The following NDST3 variants were observed in gnomAD, a reference collection of about 807,000 sequenced individuals.
NDST3 encodes N-deacetylase and N-sulfotransferase 3.
NDST3 carries 58 observed loss-of-function variants against 96.1 expected under a neutral mutation model. The observed-to-expected ratio is 0.60, with a 90% CI of 0.49 to 0.75. The LOEUF (loss-of-function observed/expected upper bound fraction) is 0.75, where lower values mean the gene tolerates loss of function less well. Among genes scored for constraint, NDST3 ranks in the 30% least tolerant of loss-of-function variants. The pLI is 0.00. For synonymous variants in NDST3, 333 were observed against 359.7 expected (o/e 0.93, Z 0.84); for missense variants, 788 against 1,034.2 (o/e 0.76, Z 3.27).
At chr4:118,077,236 A>C (rs1645300300) in intron 2 of NDST3, among the ~76,000 whole-genome samples, 1 of 152,206 alleles carries the variant, frequency 6.6e-6, no homozygotes, top group Admixed American at 6.5e-5. Context: ...CACTGGGGCA[A>C]TGGCAACAGG....
chr4:118,256,552 AT>A lies in NDST3; in HGVS notation c.*841del. 1 of 152,282 alleles carries A rather than the reference AT, an allele frequency of 6.6e-6. No individual in the cohort carries two copies. Among genetic ancestry groups the A allele is most frequent in the Non-Finnish European group, 1.5e-5 (1 of 68,008 alleles). 9.4% of individuals were successfully genotyped at this position (152,282 alleles called of 1,614,324 possible). On this transcript the variant is annotated 3_prime_UTR_variant, in exon 14 of 14. Coordinates refer to ENST00000296499, the MANE Select transcript of NDST3 (RefSeq NM_004784.3). The stretch of plus-strand genomic sequence containing the variant: ...CTAAAAACATATCATCGAGAATTCT[AT>A]GTCCACTTGCTGTAAGCTGTGAATC...
chr4:118,241,799 A>G lies in NDST3; in HGVS notation c.2290-241A>G, dbSNP rs551703428. On this transcript the variant is annotated intron_variant, in intron 11 of 13. Transcript: ENST00000296499. ...TTTTCTAAGCTCTCTTGGTCTTTCA[A>G]CTGCCTTTTTTGTTTTCATAGTGTG... is the stretch of plus-strand genomic sequence containing the variant. Among the ~76,000 whole-genome samples, 10 of 152,146 alleles carry G rather than the reference A, an allele frequency of 6.6e-5. No individual in the cohort carries two copies. The South Asian group carries it at 8.3e-4, about 13-fold the overall frequency.
rs778916788 is a variant in NDST3, at chr4:118,206,599, T to C, written c.1540-17892T>C. Among the ~76,000 whole-genome samples, 9 of 144,686 alleles carry C rather than the reference T, an allele frequency of 6.2e-5. 1 individual carries two copies. Among genetic ancestry groups the C allele is most frequent in the Non-Finnish European group, 1.2e-4 (8 of 65,270 alleles). 94.9% of individuals were successfully genotyped at this position (144,686 alleles called of 152,430 possible). On this transcript the variant is annotated intron_variant, in intron 6 of 13. Transcript: ENST00000296499. ...TTAAGAAGTTTAATTTGATGGAAAA[T>C]AGGAGTTACTGATATTTCCTAAGCA...
intron 6 of NDST3, 144 bp from the exon 7 acceptor site, chr4:118,224,347 G>C (rs1739735321): frequency 3.5e-6 from 2 of 577,620 alleles, no homozygotes; most frequent in South Asian, 7.2e-5. Flanking sequence ...GGGTTTGAGG[G>C]ACATGTCCCA....
rs1455494188 is a variant in NDST3 at position 118,149,948 on chromosome 4, G to A, written c.1539+6264G>A. Among the ~76,000 whole-genome samples, 599 of 148,286 alleles carry A rather than the reference G, an allele frequency of 4.0e-3. 5 individuals carry two copies. The highest frequency in any genetic ancestry group is 7.0e-3 in the Non-Finnish European group (469 of 66,542). On this transcript the variant is annotated intron_variant, in intron 6 of 13. Transcript: ENST00000296499. ...ATGTCCCATCAATACCTAATTTATTGAGAGTTTTTAGCATGAAGGGTTGTT... is the reference window on the plus strand; with the variant it reads ...ATGTCCCATCAATACCTAATTTATTAAGAGTTTTTAGCATGAAGGGTTGTT...
intron 12 of NDST3, among the ~76,000 whole-genome samples, chr4:118,252,089 T>C (rs977528726): frequency 6.6e-6 from 1 of 152,134 alleles, no homozygotes. Flanking sequence ...GTAGAACAGA[T>C]TAAAGGCAAA....
intron 6 of NDST3, among the ~76,000 whole-genome samples, chr4:118,148,276 C>T (rs950751363): frequency 1.3e-5 from 2 of 152,016 alleles, no homozygotes; most frequent in Non-Finnish European, 2.9e-5. Context: ...CCAGCCTGGG[C>T]GACAGAGCGA....
At chr4:118,205,621 C>G (rs540479215) in intron 6 of NDST3, among the ~76,000 whole-genome samples, 1 of 144,132 alleles carries the variant, frequency 6.9e-6, no homozygotes, top group Non-Finnish European at 1.5e-5. Flanking sequence ...TCATTTCTTG[C>G]TGCTATTCTC....
intron 4 of NDST3, among the ~76,000 whole-genome samples, chr4:118,133,363 A>G (rs1732795571): frequency 6.6e-6 from 1 of 152,112 alleles, no homozygotes; most frequent in Non-Finnish European, 1.5e-5. Context: ...ACTGAGTTCA[A>G]TGTAAAGTCC....
rs559686664 is a variant in NDST3 at position 118,196,847 on chromosome 4, C to T, written c.1540-27644C>T. Among the ~76,000 whole-genome samples, 5 of 150,814 alleles carry T rather than the reference C, an allele frequency of 3.3e-5. No homozygotes were observed. The South Asian group carries it at 1.0e-3, about 32-fold the overall frequency. On this transcript the variant is annotated intron_variant, in intron 6 of 13. Transcript: ENST00000296499. The stretch of plus-strand genomic sequence containing the variant: ...CATTTCAATTTGATTTATTTCTGCT[C>T]TGATCTTTATTATTCCTTTTCTTCT...
chr4:118,041,788 C>T (rs567280396), intron 1 of NDST3, among the ~76,000 whole-genome samples: 1 of 152,180 alleles, frequency 6.6e-6, no homozygotes, highest in East Asian at 1.9e-4. Flanking sequence ...ATCTTGTTGG[C>T]CTTTAAAAGT....
intron 1 of NDST3, among the ~76,000 whole-genome samples, chr4:118,051,939 A>G (rs755892223): frequency 6.6e-6 from 1 of 152,118 alleles, no homozygotes; most frequent in Non-Finnish European, 1.5e-5. Context: ...GTTGGTGGGA[A>G]TGTAAACAAA....
chr4:118,095,856 G>A (rs1376986034), intron 2 of NDST3, among the ~76,000 whole-genome samples: 1 of 151,830 alleles, frequency 6.6e-6, no homozygotes, highest in African/African-American at 2.4e-5. Flanking sequence ...CTTTCACTTA[G>A]CATAATGTTT....
intron 6 of NDST3, among the ~76,000 whole-genome samples, chr4:118,173,703 T>A (rs533377551): frequency 6.6e-6 from 1 of 152,316 alleles, no homozygotes; most frequent in Admixed American, 6.5e-5. Flanking sequence ...ATACTCTGTA[T>A]GTACACACTC....
At chr4:118,103,381 C>G (rs910521920) in intron 2 of NDST3, among the ~76,000 whole-genome samples, 1 of 151,778 alleles carries the variant, frequency 6.6e-6, no homozygotes, top group Non-Finnish European at 1.5e-5. Flanking sequence ...GAATGTTCAA[C>G]TGGGGAACAA....
intron 6 of NDST3, chr4:118,193,971 T>C: frequency 2.0e-6 from 2 of 986,580 alleles, no homozygotes; most frequent in East Asian, 4.8e-5. Context: ...TTCACTGTGG[T>C]GCTCTGCTCC....
chr4:118,183,970 C>CA (rs2125954964), intron 6 of NDST3, among the ~76,000 whole-genome samples: 1 of 152,298 alleles, frequency 6.6e-6, no homozygotes, highest in Non-Finnish European at 1.5e-5. Flanking sequence ...AATGCAAAGT[C>CA]CTACCACTTA....
intron 6 of NDST3, among the ~76,000 whole-genome samples, chr4:118,168,988 T>A (rs996930795): frequency 3.3e-5 from 5 of 152,110 alleles, no homozygotes; most frequent in Admixed American, 3.3e-4. Context: ...TCAATGGATA[T>A]AAATTTTCAA....
chr4:118,171,029 A>G (rs1735914543), intron 6 of NDST3, among the ~76,000 whole-genome samples: 1 of 152,204 alleles, frequency 6.6e-6, no homozygotes, highest in Non-Finnish European at 1.5e-5. Context: ...AACAGCAAGT[A>G]CAAAACCCCC....
Sources: gnomAD v4.1 joint callset for allele counts (sites outside exome capture counted in the v4.1 genomes callset) on GRCh38, gnomAD v4.1.1 for gene constraint, MANE v1.5 for transcripts, NCBI Gene and HGNC (gene_info 2026-07-23, HGNC 2026-07-21) for gene names.